The following WDR91 variants were observed in gnomAD, a reference collection of about 807,000 sequenced individuals.
WDR91 encodes the protein WD repeat domain 91, also known as WD repeat-containing protein 91.
Under a neutral mutation model 88.4 loss-of-function variants are expected in WDR91, and 52 were observed. The observed-to-expected ratio is 0.59, with a 90% confidence interval of 0.47 to 0.74. The LOEUF is 0.74. WDR91 is among the 30% of genes least tolerant of loss of function. The probability of loss-of-function intolerance (pLI) is 0.00; values close to 1 mark genes in which losing one functional copy is unlikely to be tolerated. For missense variants in WDR91, 824 were observed against 954.5 expected (o/e 0.86, Z 1.80); for synonymous variants, 362 against 389.5 (o/e 0.93, Z 0.83).
At position 135,184,788 on chromosome 7, in the gene WDR91, A is replaced by G. The variant is rs1217876441; in HGVS notation, c.*1363T>C. The G allele has an allele frequency of 6.6e-6, 1 of 152,160 alleles. No individual in the cohort carries two copies. The highest frequency in any genetic ancestry group is 1.5e-5 in the Non-Finnish European group (1 of 68,058). The allele number at this position is 152,160 out of a possible 1,614,324, so 9.4% of individuals were successfully genotyped here. On this transcript the variant is annotated 3_prime_UTR_variant, in exon 15 of 15. Transcript: ENST00000354475. ...GGGTGCAGGCAGCCATCATCTTTCC[A>G]CAAAGATGTTCAGTTGGAGGAATGA...
At chr7:135,211,251 C>T in intron 1 of WDR91, 129 bp downstream of exon 1, 1 of 1,397,204 alleles carries the variant, frequency 7.2e-7, no homozygotes, top group Non-Finnish European at 9.4e-7. Flanking sequence ...GGGTCGGACG[C>T]GCTGAGGTCT....
At chr7:135,207,531 C>A (rs2117719904) in intron 3 of WDR91, among the ~76,000 whole-genome samples, 1 of 152,338 alleles carries the variant, frequency 6.6e-6, no homozygotes, top group South Asian at 2.1e-4. Context: ...GACTTCACAG[C>A]CAGTCTGAGC....
Position 135,196,025 on chromosome 7 carries a change from A to G in WDR91, c.1244+119T>C. ...AACCGACTCCCATGACTCTACTGCC[A>G]TGACTGTGGCCCTCGTCCAAGCCCC... On this transcript the variant is annotated intron_variant, in intron 8 of 14. Coordinates refer to ENST00000354475, the MANE Select transcript of WDR91 (RefSeq NM_014149.4). This position sits in a 1 kb window ranked among gnomAD's most constrained non-coding sequence, Gnocchi z 4.2. 9.9e-7 allele frequency: 1 copy of G among 1,010,278 alleles called. No homozygotes were observed. Among genetic ancestry groups the G allele is most frequent in the Non-Finnish European group, 1.4e-6 (1 of 716,596 alleles). 62.6% of individuals were successfully genotyped at this position (1,010,278 alleles called of 1,614,324 possible).
intron 6 of WDR91, among the ~76,000 whole-genome samples, chr7:135,203,080 C>T (rs1831630237): frequency 6.6e-6 from 1 of 152,180 alleles, no homozygotes; most frequent in Non-Finnish European, 1.5e-5. Context: ...TTATTATCAT[C>T]CCGAGCAAAC....
rs978928017 is a variant in WDR91, at chr7:135,186,126, C to T, written c.*25G>A. 3 of 1,570,374 alleles carry T rather than the reference C, an allele frequency of 1.9e-6. No homozygotes were observed. The African/African-American group carries it at 4.2e-5, about 22-fold the overall frequency. ...CCCCCACCGCAGATAATACTGCTTC[C>T]TCGGGTGGCCCTTGGGGCAAGTCAT... is the stretch of plus-strand genomic sequence containing the variant. On this transcript the variant is annotated 3_prime_UTR_variant, in exon 15 of 15. Coordinates refer to ENST00000354475, the MANE Select transcript of WDR91 (RefSeq NM_014149.4).
chr7:135,193,128 T>A (rs1452184403), intron 11 of WDR91, 103 bp downstream of exon 11: 1 of 1,481,784 alleles, frequency 6.7e-7, no homozygotes, highest in Non-Finnish European at 9.0e-7. Flanking sequence ...TTATTAAAAA[T>A]CTGAGGAGAC....
At position 135,193,415 on chromosome 7, in the gene WDR91, G is replaced by A. The variant is rs1831245472; in HGVS notation, c.1491-16C>T. 3 of 1,613,392 alleles carry A rather than the reference G, an allele frequency of 1.9e-6. No individual in the cohort carries two copies. Among genetic ancestry groups the A allele is most frequent in the Admixed American group, 1.7e-5 (1 of 59,992 alleles). ...AGACAGGATTCTGCAACACACATGGGCCTGGGTCAGACCCTCTGCCTGCCC... is the reference window on the plus strand; with the variant it reads ...AGACAGGATTCTGCAACACACATGGACCTGGGTCAGACCCTCTGCCTGCCC... On this transcript the variant is annotated splice_polypyrimidine_tract_variant and intron_variant, in intron 10 of 14. Transcript: ENST00000354475.
chr7:135,209,117 T>C, intron 2 of WDR91, 119 bp from the exon 3 acceptor site: 1 of 732,944 alleles, frequency 1.4e-6, no homozygotes, highest in Non-Finnish European at 2.2e-6. Flanking sequence ...AGTGGCAAAA[T>C]AAAATTCCAT....
intron 4 of WDR91, chr7:135,206,873 A>G (rs1289056959): frequency 8.4e-6 from 2 of 237,738 alleles, no homozygotes; most frequent in Admixed American, 9.7e-5. Context: ...TTTCTCCTTA[A>G]AAGTTAATTA....
rs141497035 is a variant in WDR91, at chr7:135,209,414, GA to G, written c.303+161del. The G allele has an allele frequency of 4.5e-3, 2,916 of 641,448 alleles. 73 individuals carry two copies. In the African/African-American group the frequency reaches 0.05, roughly 11 times the overall value. 39.7% of individuals were successfully genotyped at this position (641,448 alleles called of 1,614,324 possible). A position where few individuals can be genotyped will look rare whatever the true frequency, so the allele number is the denominator to read the frequency against. ...CAGATGATCTACAGATGACGACAAG[GA>G]AAAAAAAGAAGAAAAACAGTCAAAA... On this transcript the variant is annotated intron_variant, in intron 2 of 14. Coordinates refer to ENST00000354475, the MANE Select transcript of WDR91 (RefSeq NM_014149.4).
chr7:135,186,264 G>T lies in WDR91; in HGVS notation c.2131C>A (p.Arg711=). The T allele has an allele frequency of 6.2e-7, 1 of 1,612,322 alleles. No homozygotes were observed. Among genetic ancestry groups the T allele is most frequent in the Non-Finnish European group, 8.5e-7 (1 of 1,179,278 alleles). ...LESCLSLGGH[R]APVVTVDWST... ...CAGTCCACGGTGACCACAGGGGCTC[G>T]GTGGCCACCTAGGCTCAAGCAGCTC... Residue 711 remains arginine (R), a synonymous_variant, in exon 15 of 15, where the codon CGA becomes AGA. Transcript: ENST00000354475.
chr7:135,205,787 A>C, intron 5 of WDR91, 141 bp downstream of exon 5: 5 of 1,251,586 alleles, frequency 4.0e-6, no homozygotes, highest in Non-Finnish European at 5.6e-6. Context: ...CTCTCAAGCA[A>C]GAGCAGTGTG....
intron 6 of WDR91, among the ~76,000 whole-genome samples, chr7:135,201,917 T>G (rs904408111): frequency 2.6e-5 from 4 of 152,122 alleles, no homozygotes; most frequent in African/African-American, 9.7e-5. Flanking sequence ...ATTGAAACAT[T>G]AGAATGTCCC....
intron 11 of WDR91, among the ~76,000 whole-genome samples, chr7:135,191,975 T>G (rs540695487): frequency 6.6e-6 from 1 of 152,220 alleles, no homozygotes; most frequent in East Asian, 1.9e-4. Context: ...GCACGAGAGA[T>G]AGGTCTAGAG....
At chr7:135,209,512 A>C in intron 2 of WDR91, 64 bp downstream of exon 2, 1 of 1,437,502 alleles carries the variant, frequency 7.0e-7, no homozygotes, top group Non-Finnish European at 9.3e-7. Flanking sequence ...CTGGAAGAAA[A>C]TCTATTTTGG....
chr7:135,193,110 TC>T (rs1302347087), intron 11 of WDR91, 120 bp downstream of exon 11: 2 of 1,427,726 alleles, frequency 1.4e-6, no homozygotes, highest in African/African-American at 2.8e-5. Flanking sequence ...TTTTCAACAC[TC>T]AAAACTTTAT....
Position 135,196,469 on chromosome 7 carries a change from C to A in WDR91, c.1051-132G>T. 1.2e-6 allele frequency: 1 copy of A among 855,904 alleles called. No individual in the cohort carries two copies. The highest frequency in any genetic ancestry group is 1.7e-6 in the Non-Finnish European group (1 of 598,212). 53.0% of individuals were successfully genotyped at this position (855,904 alleles called of 1,614,324 possible). ...GGTAATTACAGAGTGGAGAGGAGAG[C>A]TCTGACCTGCGAGGGTAGTGCTCAG... On this transcript the variant is annotated intron_variant, in intron 7 of 14. Transcript: ENST00000354475. This position sits in a 1 kb window ranked among gnomAD's most constrained non-coding sequence, Gnocchi z 4.2.
chr7:135,193,631 G>A lies in WDR91; in HGVS notation c.1437C>T (p.Asp479=), dbSNP rs767334585. ...CACAGAGATTCTTCTTGGCTTCCGT[G>A]TCATAGAGACGCACTGTTCCCACAC... The part of the protein sequence containing the change: ...GSGVGTVRLY[D]TEAKKNLCEI... Residue 479 remains aspartate, a synonymous_variant, in exon 10 of 15, where the codon GAC becomes GAT. Transcript: ENST00000354475. The A allele has an allele frequency of 3.1e-6, 5 of 1,614,060 alleles. No individual in the cohort carries two copies. The East Asian group carries it at 6.7e-5, about 22-fold the overall frequency.
At chr7:135,205,818 A>C in intron 5 of WDR91, 110 bp downstream of exon 5, 1 of 1,514,986 alleles carries the variant, frequency 6.6e-7, no homozygotes, top group Non-Finnish European at 9.0e-7. Context: ...CTCTTCCGCA[A>C]TTCTCCTTCA....
Sources: gnomAD v4.1 joint callset for allele counts (sites outside exome capture counted in the v4.1 genomes callset) on GRCh38, gnomAD v4.1.1 for gene constraint, Gnocchi (gnomAD v3.1) non-coding constraint, MANE v1.5 for transcripts, NCBI Gene and HGNC (gene_info 2026-07-23, HGNC 2026-07-21) for gene names.